The following ATAD1 variants were observed in gnomAD, a reference collection of about 807,000 sequenced individuals.
ATAD1 encodes the protein outer mitochondrial transmembrane helix translocase.
In ATAD1, 18 loss-of-function variants were observed where a neutral mutation model predicts 42.7. The observed-to-expected ratio is 0.42, with a 90% CI of 0.29 to 0.63. The LOEUF (loss-of-function observed/expected upper bound fraction) is 0.63, where lower values mean the gene tolerates loss of function less well. ATAD1 is among the 20% of genes least tolerant of loss of function. ATAD1 has a pLI of 0.19. For missense variants in ATAD1, 294 were observed against 440.4 expected (o/e 0.67, Z 2.98); for synonymous variants, 132 against 143.1 (o/e 0.92, Z 0.55).
At chr10:87,796,983 C>G (rs1013061023) in intron 2 of ATAD1, among the ~76,000 whole-genome samples, 12 of 152,158 alleles carry the variant, frequency 7.9e-5, no homozygotes, top group African/African-American at 2.7e-4. Context: ...AACTCCTTTA[C>G]AGAGTTTGAG....
chr10:87,770,603 G>T (rs1261098802), intron 7 of ATAD1, among the ~76,000 whole-genome samples: 1 of 152,132 alleles, frequency 6.6e-6, no homozygotes, highest in Admixed American at 6.5e-5. Context: ...AATTCTTCAA[G>T]CCAAATTTCT....
intron 8 of ATAD1, among the ~76,000 whole-genome samples, chr10:87,765,229 T>C (rs954520385): frequency 6.6e-6 from 1 of 152,120 alleles, no homozygotes; most frequent in African/African-American, 2.4e-5. Flanking sequence ...ACAAGTATTT[T>C]GATAAAAGTA....
chr10:87,812,881 A>T (rs1206755790), intron 2 of ATAD1, among the ~76,000 whole-genome samples: 1 of 152,228 alleles, frequency 6.6e-6, no homozygotes, highest in African/African-American at 2.4e-5. Flanking sequence ...TCATGAAGCC[A>T]TCTTCAACTA....
At chr10:87,767,651 A>G in intron 8 of ATAD1, 22 bp downstream of exon 8, 1 of 1,595,748 alleles carries the variant, frequency 6.3e-7, no homozygotes, top group Non-Finnish European at 8.5e-7. Flanking sequence ...GGACGGGGAA[A>G]AAATTTTTAT....
rs183463505 is a variant in ATAD1 at position 87,775,625 on chromosome 10, C to T, written c.690+696G>A. 4.2e-4 allele frequency among the ~76,000 whole-genome samples: 64 copies of T among 150,724 alleles called. No individual in the cohort carries two copies. The East Asian group carries it at 0.011, about 25-fold the overall frequency. On this transcript the variant is annotated intron_variant, in intron 6 of 9. Coordinates refer to ENST00000680024, the MANE Select transcript of ATAD1 (RefSeq NM_001321967.2). ...TTCTTTTTAACTTTCTTTTAAACCA[C>T]TAAGCTGACAAGAAAGCACAGAATA...
chr10:87,839,642 TG>T (rs1857993669), intron 1 of ATAD1, among the ~76,000 whole-genome samples: 1 of 152,200 alleles, frequency 6.6e-6, no homozygotes, highest in African/African-American at 2.4e-5. Context: ...CAGTGAGCTT[TG>T]TACCTAAGGC....
chr10:87,757,026 TG>T (rs1229954338), intron 8 of ATAD1, 104 bp from the exon 9 acceptor site: 84 of 910,256 alleles, frequency 9.2e-5, no homozygotes, highest in Non-Finnish European at 1.3e-4. Flanking sequence ...TATAACTGCA[TG>T]GGAGGAGAAA....
rs78754725 is a variant in ATAD1, at chr10:87,781,566, A to T, written c.583+2904T>A. Among the ~76,000 whole-genome samples the T allele has an allele frequency of 2.8e-3, 420 of 152,352 alleles. 3 individuals are homozygous for T. The highest frequency in any genetic ancestry group is 4.6e-3 in the Non-Finnish European group (315 of 68,032). On this transcript the variant is annotated intron_variant, in intron 5 of 9. Coordinates refer to ENST00000680024, the MANE Select transcript of ATAD1 (RefSeq NM_001321967.2). ...GATGTTAAAATGTAAAAAACAAAAC[A>T]GTATGTCTTAGAATTGATGAAATAC... is the stretch of plus-strand genomic sequence containing the variant.
chr10:87,781,616 T>C (rs184232022), intron 5 of ATAD1, among the ~76,000 whole-genome samples: 1 of 151,614 alleles, frequency 6.6e-6, no homozygotes, highest in East Asian at 1.9e-4. Context: ...TGACAAACTG[T>C]AGAAATGACT....
upstream of ATAD1, chr10:87,819,316 G>C (rs567313058): frequency 6.9e-6 from 1 of 145,874 alleles, no homozygotes; most frequent in South Asian, 2.2e-4. Context: ...GCTGGATTTG[G>C]TGGCGCATGT....
chr10:87,801,159 G>A (rs959612496), intron 2 of ATAD1, among the ~76,000 whole-genome samples: 1 of 152,122 alleles, frequency 6.6e-6, no homozygotes, highest in Non-Finnish European at 1.5e-5. Flanking sequence ...GTTTTTATTA[G>A]GCCTTATCGT....
At chr10:87,831,126 G>A (rs1030419965) in intron 1 of ATAD1, among the ~76,000 whole-genome samples, 1 of 152,204 alleles carries the variant, frequency 6.6e-6, no homozygotes, top group African/African-American at 2.4e-5. Context: ...CTACATTATA[G>A]AGTTGGGGAG....
In ATAD1 at chr10:87,754,798, T is replaced by A; in HGVS notation, c.975A>T (p.Glu325Asp). 1 of 1,612,878 alleles carries A rather than the reference T, an allele frequency of 6.2e-7. No individual in the cohort carries two copies. Among genetic ancestry groups the A allele is most frequent in the Non-Finnish European group, 8.5e-7 (1 of 1,179,176 alleles). ...VNSTSEESHDEDEIRPVQQQD... is the reference protein window; with the variant it reads ...VNSTSEESHDDDEIRPVQQQD... Reference sequence around the variant, plus strand: ...GCTGTTGAACAGGCCGAATTTCATCTTCGTCATGGCTAAAATGCAAACAAA... The same window carrying A: ...GCTGTTGAACAGGCCGAATTTCATCATCGTCATGGCTAAAATGCAAACAAA... Residue 325 changes from glutamate to aspartate, a missense_variant, in exon 10 of 10, where the codon GAA (glutamate) becomes GAT (aspartate). Glu to Asp is a conservative substitution (Grantham distance 45). Coordinates refer to ENST00000680024, the MANE Select transcript of ATAD1 (RefSeq NM_001321967.2).
chr10:87,828,313 A>G (rs751424208), intron 1 of ATAD1, among the ~76,000 whole-genome samples: 11 of 152,128 alleles, frequency 7.2e-5, no homozygotes, highest in Non-Finnish European at 1.3e-4. Context: ...GAATAAATGC[A>G]TGATAAGAAA....
At chr10:87,827,113 G>A (rs1857744444) in intron 1 of ATAD1, among the ~76,000 whole-genome samples, 1 of 152,202 alleles carries the variant, frequency 6.6e-6, no homozygotes, top group South Asian at 2.1e-4. Flanking sequence ...TTTGAAGCAT[G>A]CAGGATGCAG....
Position 87,754,747 on chromosome 10 carries a change from C to G in ATAD1, c.1026G>C (p.Lys342Asn). The G allele has an allele frequency of 6.2e-7, 1 of 1,613,754 alleles. No individual in the cohort carries two copies. The highest frequency in any genetic ancestry group is 8.5e-7 in the Non-Finnish European group (1 of 1,179,788). The change falls in exon 10 of 10, where the codon AAG becomes AAC. Residue 342 changes from lysine (K) to asparagine (N), a missense_variant. Coordinates refer to ENST00000680024, the MANE Select transcript of ATAD1 (RefSeq NM_001321967.2). ...ATGCTGCATCCTTTGATTTCTTCAT[C>G]TTTTCAATTGCCCGATGCAGGTCCT... ...QQQDLHRAIE[K>N]MKKSKDAAFQ...
chr10:87,781,950 A>G (rs1026242287), intron 5 of ATAD1, among the ~76,000 whole-genome samples: 1 of 124,592 alleles, frequency 8.0e-6, no homozygotes, highest in African/African-American at 3.6e-5. Context: ...TGGCCTGAGA[A>G]TTGTTTTTTT....
intron 5 of ATAD1, among the ~76,000 whole-genome samples, chr10:87,780,248 A>C (rs1326753577): frequency 6.6e-6 from 1 of 152,222 alleles, no homozygotes; most frequent in African/African-American, 2.4e-5. Context: ...GTAACATTAC[A>C]GAAAAGGTAA....
chr10:87,797,959 C>G (rs905457649), intron 2 of ATAD1, among the ~76,000 whole-genome samples: 3 of 152,126 alleles, frequency 2.0e-5, no homozygotes, highest in Non-Finnish European at 4.4e-5. Context: ...TTGCTCCCCC[C>G]AGCCAAAAGG....
Sources: allele counts gnomAD v4.1 joint callset (sites outside exome capture counted in the v4.1 genomes callset), GRCh38; gene constraint gnomAD v4.1.1; transcripts MANE v1.5; gene names NCBI Gene and HGNC (gene_info 2026-07-23, HGNC 2026-07-21).